The following RGS12 variants were observed in gnomAD, a reference collection of about 807,000 sequenced individuals.
RGS12 encodes the protein regulator of G protein signaling 12, also known as regulator of G-protein signaling 12.
Under a neutral mutation model 120.1 loss-of-function variants are expected in RGS12, and 66 were observed. The observed-to-expected ratio is 0.55, with a 90% CI of 0.45 to 0.67. The LOEUF is 0.67. Ranked by LOEUF, RGS12 falls within the 30% of genes least tolerant of loss-of-function variation. The pLI is 0.00. For synonymous variants in RGS12, 827 were observed against 804.7 expected, an observed-to-expected ratio of 1.03 and a Z score of -0.47; for missense variants, 1,859 against 1,957.7, an observed-to-expected ratio of 0.95 and a Z score of 0.95.
At chr4:3,420,115 C>T (rs1722841156) in intron 9 of RGS12, among the ~76,000 whole-genome samples, 1 of 152,202 alleles carries the variant, frequency 6.6e-6, no homozygotes, top group East Asian at 1.9e-4. Context: ...AAAATTGACA[C>T]TTCATTACGG....
At chr4:3,427,886 G>A (rs949631512) in intron 14 of RGS12, among the ~76,000 whole-genome samples, 2 of 152,136 alleles carry the variant, frequency 1.3e-5, no homozygotes, top group African/African-American at 4.8e-5. Context: ...TTAGATGTAC[G>A]GAGCCCGGCT....
chr4:3,358,231 G>T (rs1454774321), intron 3 of RGS12, among the ~76,000 whole-genome samples: 4 of 151,132 alleles, frequency 2.6e-5, no homozygotes, highest in Non-Finnish European at 5.9e-5. Context: ...GCTCTAGTAG[G>T]TTTTTTTTTG....
intron 2 of RGS12, among the ~76,000 whole-genome samples, chr4:3,335,888 G>A (rs1169319093): frequency 2.0e-5 from 3 of 152,092 alleles, no homozygotes; most frequent in Non-Finnish European, 2.9e-5. Context: ...TCAGGAGTTC[G>A]AGACCAGCCT....
chr4:3,369,902 A>T, intron 3 of RGS12: 1 of 484,374 alleles, frequency 2.1e-6, no homozygotes, highest in Non-Finnish European at 2.8e-6. Context: ...TGGCAGCTGT[A>T]ATTAAGGTTG....
intron 3 of RGS12, among the ~76,000 whole-genome samples, chr4:3,379,878 ATCGT>A (rs1249340918): frequency 6.6e-6 from 1 of 152,180 alleles, no homozygotes; most frequent in African/African-American, 2.4e-5. Context: ...GCGAAACTGC[ATCGT>A]TCCACCCCTG....
chr4:3,407,291 G>C (rs909121486), intron 4 of RGS12: 5 of 152,238 alleles, frequency 3.3e-5, no homozygotes, highest in Non-Finnish European at 5.9e-5. Context: ...GCAAGGCTTC[G>C]TGCGACGTCT....
At chr4:3,423,413 C>T (rs1723250000) in intron 12 of RGS12, 102 bp from the exon 13 acceptor site, 3 of 1,483,968 alleles carry the variant, frequency 2.0e-6, no homozygotes, top group South Asian at 1.2e-5. Flanking sequence ...CACACCGAGG[C>T]CTTGAGGGCG....
At chr4:3,412,605 G>T (rs1025256650) in intron 4 of RGS12, among the ~76,000 whole-genome samples, 2 of 152,268 alleles carry the variant, frequency 1.3e-5, no homozygotes, top group African/African-American at 2.4e-5. Flanking sequence ...GCCACAGGAG[G>T]CTGGTGAAGG....
At chr4:3,414,370 C>T in intron 5 of RGS12, 129 bp downstream of exon 5, 1 of 1,071,270 alleles carries the variant, frequency 9.3e-7, no homozygotes. Context: ...GCAGGGGTCT[C>T]CCCTCCCTGG....
intron 3 of RGS12, among the ~76,000 whole-genome samples, chr4:3,344,052 A>G (rs996707492): frequency 2.0e-5 from 3 of 152,144 alleles, no homozygotes; most frequent in African/African-American, 4.8e-5. Context: ...TGTCTCCTTC[A>G]GCGCGTGTGG....
intron 3 of RGS12, among the ~76,000 whole-genome samples, chr4:3,367,041 G>A (rs891805098): frequency 6.6e-5 from 10 of 152,294 alleles, no homozygotes; most frequent in South Asian, 2.1e-4. Flanking sequence ...TCCCATCTGC[G>A]AACTCCTCCA....
At chr4:3,391,557 T>C (rs371423417) in intron 4 of RGS12, among the ~76,000 whole-genome samples, 3 of 152,318 alleles carry the variant, frequency 2.0e-5, no homozygotes, top group South Asian at 2.1e-4. Context: ...GAGGCCACAC[T>C]TGGAAGCAGG....
At chr4:3,385,982 C>T (rs543898223) in intron 3 of RGS12, 79 of 190,026 alleles carry the variant, frequency 4.2e-4, no homozygotes, top group Non-Finnish European at 1.7e-4. Context: ...TCATGGCACA[C>T]AGGCACTGAG....
At chr4:3,434,066 T>G (rs976627231) in intron 17 of RGS12, among the ~76,000 whole-genome samples, 2 of 152,186 alleles carry the variant, frequency 1.3e-5, no homozygotes, top group African/African-American at 2.4e-5. Context: ...CATGTTGCTA[T>G]GAAGAAATAC....
chr4:3,292,776 C>T (rs1053895154), upstream of RGS12, among the ~76,000 whole-genome samples: 3 of 152,242 alleles, frequency 2.0e-5, no homozygotes, highest in Non-Finnish European at 4.4e-5. Flanking sequence ...GCGCCCCCAA[C>T]GGAAGTCCCG....
At chr4:3,363,712 TGGC>T (rs1210481203) in intron 3 of RGS12, among the ~76,000 whole-genome samples, 1 of 151,680 alleles carries the variant, frequency 6.6e-6, no homozygotes. Flanking sequence ...GGGGCAGGCT[TGGC>T]GGGAACAGCC....
At chr4:3,405,222 C>A (rs1720983300) in intron 4 of RGS12, among the ~76,000 whole-genome samples, 1 of 152,186 alleles carries the variant, frequency 6.6e-6, no homozygotes, top group South Asian at 2.1e-4. Context: ...GGTAGTTCTG[C>A]ACGAAGCTTA....
At chr4:3,341,219 G>A (rs1424663652) in intron 2 of RGS12, among the ~76,000 whole-genome samples, 1 of 91,498 alleles carries the variant, frequency 1.1e-5, no homozygotes, top group African/African-American at 4.7e-5. Context: ...GACAAGGGTC[G>A]AGAGATGGGG....
chr4:3,363,607 G>C (rs1715960325), intron 3 of RGS12, among the ~76,000 whole-genome samples: 1 of 152,154 alleles, frequency 6.6e-6, no homozygotes, highest in Non-Finnish European at 1.5e-5. Flanking sequence ...GCCTGCCGTG[G>C]AGATGGACGC....
Sources: allele counts gnomAD v4.1 joint callset (sites outside exome capture counted in the v4.1 genomes callset), GRCh38; gene constraint gnomAD v4.1.1; transcripts MANE v1.5; gene names NCBI Gene and HGNC (gene_info 2026-07-23, HGNC 2026-07-21).